The following EIF5B variants were observed in gnomAD, a reference collection of about 807,000 sequenced individuals.
EIF5B encodes eukaryotic translation initiation factor 5B.
Under a neutral mutation model 147.5 loss-of-function variants are expected in EIF5B, and 47 were observed. The ratio of observed to expected loss-of-function variants is 0.32; its 90% CI spans 0.25 to 0.41. The LOEUF is 0.41. Among genes scored for constraint, EIF5B ranks in the 10% least tolerant of loss-of-function variants. The pLI is 1.00. For synonymous variants in EIF5B, 455 were observed against 456.2 expected, an observed-to-expected ratio of 1.00 and a Z score of 0.03; for missense variants, 1,064 against 1,413.2, an observed-to-expected ratio of 0.75 and a Z score of 3.96.
In EIF5B at chr2:99,394,852, G is replaced by A; in HGVS notation, c.3223G>A (p.Asp1075Asn). ...LFDAFTKYRQDYKKQKQEEFK... is the reference protein window; with the variant it reads ...LFDAFTKYRQNYKKQKQEEFK... ...TGATGCCTTTACAAAATATAGACAA[G>A]ACTACAAGAAACAGAAACAAGAAGA... Residue 1075 changes from aspartate (D) to asparagine (N), a missense_variant, in exon 21 of 24, where the codon GAC (aspartate) becomes AAC (asparagine). By Grantham distance (23) the Asp-to-Asn change is conservative. Transcript: ENST00000289371. The A allele has an allele frequency of 1.3e-6, 2 of 1,593,968 alleles. No individual in the cohort carries two copies. The highest frequency in any genetic ancestry group is 1.7e-6 in the Non-Finnish European group (2 of 1,170,420).
Position 99,361,677 on chromosome 2 carries a change from TAGAAAC to T in EIF5B, c.779_784del (p.Glu260_Thr261del), listed in dbSNP as rs1356833607. On this transcript the variant is annotated inframe_deletion, in exon 4 of 24. Transcript: ENST00000289371. The stretch of plus-strand genomic sequence containing the variant: ...CGGAAGCTGAAAGAAAAAGAAGAGT[TAGAAAC>T]AGGTAAAAAGGATCAGAGTAAACAA... The T allele has an allele frequency of 6.2e-7, 1 of 1,600,666 alleles. No individual in the cohort carries two copies. The highest frequency in any genetic ancestry group is 1.8e-5 in the Admixed American group (1 of 56,148).
At chr2:99,355,506 A>G (rs1674076375) in intron 1 of EIF5B, among the ~76,000 whole-genome samples, 1 of 150,230 alleles carries the variant, frequency 6.7e-6, no homozygotes, top group Non-Finnish European at 1.5e-5. Context: ...TACTTTACAT[A>G]TTTTGTTAGA....
At chr2:99,347,145 A>G (rs1445354277) in intron 1 of EIF5B, among the ~76,000 whole-genome samples, 1 of 151,940 alleles carries the variant, frequency 6.6e-6, no homozygotes, top group Non-Finnish European at 1.5e-5. Context: ...ATCTGGGACT[A>G]CAGACGCATG....
intron 21 of EIF5B, among the ~76,000 whole-genome samples, chr2:99,396,521 A>G (rs535809807): frequency 6.6e-6 from 1 of 152,294 alleles, no homozygotes; most frequent in Admixed American, 6.5e-5. Context: ...AGGGCTTTAA[A>G]AGAGAAGAAA....
At chr2:99,399,234 C>A in intron 23 of EIF5B, 73 bp from the exon 24 acceptor site, 2 of 1,380,504 alleles carry the variant, frequency 1.4e-6, no homozygotes, top group Non-Finnish European at 2.0e-6. Flanking sequence ...TGAGAGCGGG[C>A]ATCTGGGGCC....
At chr2:99,338,392 C>T (rs1574913877) in intron 1 of EIF5B, 3 of 1,240,340 alleles carry the variant, frequency 2.4e-6, no homozygotes, top group East Asian at 5.6e-5. Flanking sequence ...AGTTGACTTC[C>T]TGGGAGTGAA....
At chr2:99,337,875 G>T (rs945145022) in intron 1 of EIF5B, among the ~76,000 whole-genome samples, 41 of 152,370 alleles carry the variant, frequency 2.7e-4, no homozygotes, top group African/African-American at 9.6e-4. Flanking sequence ...CGCGGGGAGG[G>T]TCAGGCGGCT....
At position 99,361,437 on chromosome 2, in the gene EIF5B, G is replaced by C. The variant is rs748802923; in HGVS notation, c.536G>C (p.Arg179Thr). The C allele has an allele frequency of 6.2e-7, 1 of 1,613,808 alleles. No homozygotes were observed. The highest frequency in any genetic ancestry group is 1.7e-5 in the Admixed American group (1 of 59,988). ...AGTAAAAAAATTAAAGAGCGTTCAA[G>C]AATAAATTCTTCTGGTGAAAGTGGT... ...DNSKKIKERS[R>T]INSSGESGDE... The change falls in exon 4 of 24, where the codon AGA becomes ACA. Residue 179 changes from arginine to threonine, a missense_variant. By Grantham distance (71) the Arg-to-Thr change is moderately conservative (BLOSUM62 -1). Coordinates refer to ENST00000289371, the MANE Select transcript of EIF5B (RefSeq NM_015904.4).
intron 17 of EIF5B, among the ~76,000 whole-genome samples, chr2:99,391,729 CT>C (rs759464054): frequency 0.017 from 2,151 of 129,794 alleles, 9 homozygotes; most frequent in Non-Finnish European, 0.022. Flanking sequence ...ATAGCTGGCT[CT>C]TTTTTTTTTT....
intron 1 of EIF5B, among the ~76,000 whole-genome samples, chr2:99,356,187 T>C (rs185760953): frequency 1.5e-4 from 23 of 152,356 alleles, no homozygotes; most frequent in Admixed American, 6.5e-4. Context: ...ATTTGTCTTA[T>C]CTGTGATAGT....
intron 9 of EIF5B, among the ~76,000 whole-genome samples, chr2:99,375,564 C>T (rs1196943503): frequency 1.3e-5 from 2 of 152,164 alleles, no homozygotes; most frequent in Non-Finnish European, 2.9e-5. Context: ...GCAGCTTAGC[C>T]TTTCATCTGC....
chr2:99,356,426 C>T (rs927433702), intron 1 of EIF5B, among the ~76,000 whole-genome samples: 11 of 152,164 alleles, frequency 7.2e-5, no homozygotes, highest in African/African-American at 2.4e-4. Flanking sequence ...TTTGTCTCTT[C>T]CCCATTTATT....
chr2:99,345,230 G>T (rs1422117014), intron 1 of EIF5B, among the ~76,000 whole-genome samples: 1 of 152,158 alleles, frequency 6.6e-6, no homozygotes, highest in Admixed American at 6.5e-5. Context: ...CTTGCCTGTT[G>T]TATGAGAGTC....
chr2:99,389,695 T>C, intron 14 of EIF5B, 23 bp from the exon 15 acceptor site: 1 of 1,578,836 alleles, frequency 6.3e-7, no homozygotes, highest in Non-Finnish European at 8.5e-7. Flanking sequence ...TTAGAGATCT[T>C]TCTCATGAAA....
chr2:99,367,037 C>A (rs1205397675), intron 6 of EIF5B, among the ~76,000 whole-genome samples: 3 of 152,006 alleles, frequency 2.0e-5, no homozygotes, highest in Non-Finnish European at 4.4e-5. Context: ...AAAAATTGAC[C>A]CAAATGGGTA....
chr2:99,391,141 G>A lies in EIF5B; in HGVS notation c.2748+436G>A, dbSNP rs78721860. Among the ~76,000 whole-genome samples the A allele has an allele frequency of 1.6e-3, 240 of 152,258 alleles. 4 individuals are homozygous for A. In the East Asian group the frequency reaches 0.041, roughly 26 times the overall value. ...TTGTATGTTTTATATATTACATACTGCATTCTTACAGTAAAACAAGCTAGA... is the reference window on the plus strand; with the variant it reads ...TTGTATGTTTTATATATTACATACTACATTCTTACAGTAAAACAAGCTAGA... On this transcript the variant is annotated intron_variant, in intron 17 of 23. Coordinates refer to ENST00000289371, the MANE Select transcript of EIF5B (RefSeq NM_015904.4).
Position 99,379,440 on chromosome 2 carries a change from G to C in EIF5B, c.2061+12G>C. On this transcript the variant is annotated intron_variant, in intron 12 of 23. Transcript: ENST00000289371. ...AGATGATTAAAAATGTAAGTACATT[G>C]TATTTCATGTATTTTAATCTCTGAC... The C allele has an allele frequency of 6.4e-7, 1 of 1,568,072 alleles. No homozygotes were observed. Among genetic ancestry groups the C allele is most frequent in the Non-Finnish European group, 8.7e-7 (1 of 1,147,724 alleles).
intron 1 of EIF5B, among the ~76,000 whole-genome samples, chr2:99,338,851 A>G (rs923123397): frequency 2.8e-4 from 43 of 151,204 alleles, no homozygotes; most frequent in African/African-American, 9.9e-4. Flanking sequence ...GCCTTTATGT[A>G]TTAATTACCT....
At chr2:99,392,364 A>G (rs1483777383) in intron 17 of EIF5B, among the ~76,000 whole-genome samples, 5 of 152,104 alleles carry the variant, frequency 3.3e-5, no homozygotes, top group Non-Finnish European at 7.4e-5. Flanking sequence ...TGTTGTTACT[A>G]ATAATGCTGC....
Sources: allele counts gnomAD v4.1 joint callset (sites outside exome capture counted in the v4.1 genomes callset), GRCh38; gene constraint gnomAD v4.1.1; transcripts MANE v1.5; gene names NCBI Gene and HGNC (gene_info 2026-07-23, HGNC 2026-07-21).